The following ALK variants were observed in gnomAD, a reference collection of about 807,000 sequenced individuals.
ALK encodes the protein ALK tyrosine kinase receptor.
Under a neutral mutation model 163.1 loss-of-function variants are expected in ALK, and 74 were observed. The ratio of observed to expected loss-of-function variants is 0.45; its 90% confidence interval spans 0.38 to 0.55. The LOEUF (loss-of-function observed/expected upper bound fraction) is 0.55. Among genes scored for constraint, ALK ranks in the 20% least tolerant of loss-of-function variants. ALK has a pLI of 0.00. For missense variants in ALK, 2,063 were observed against 2,105.3 expected, an observed-to-expected ratio of 0.98 and a Z score of 0.39; for synonymous variants, 960 against 843.2, an observed-to-expected ratio of 1.14 and a Z score of -2.40.
intron 1 of ALK, among the ~76,000 whole-genome samples, chr2:29,882,364 C>T (rs557081356): frequency 3.9e-5 from 6 of 152,150 alleles, no homozygotes; most frequent in Non-Finnish European, 8.8e-5. Flanking sequence ...TAAACCATTA[C>T]AGTGAGTTAA....
At chr2:29,771,656 T>TC (rs1306320863) in intron 1 of ALK, among the ~76,000 whole-genome samples, 1 of 152,114 alleles carries the variant, frequency 6.6e-6, no homozygotes, top group Non-Finnish European at 1.5e-5. Flanking sequence ...TGCCTCAGCC[T>TC]CCCGAGTAGC....
At chr2:29,379,659 T>C (rs1668846820) in intron 5 of ALK, among the ~76,000 whole-genome samples, 1 of 152,080 alleles carries the variant, frequency 6.6e-6, no homozygotes, top group Admixed American at 6.5e-5. Context: ...TTTTCTGATG[T>C]GGGAGGCAAT....
At chr2:29,559,121 G>A (rs1046260497) in intron 3 of ALK, among the ~76,000 whole-genome samples, 2 of 152,186 alleles carry the variant, frequency 1.3e-5, no homozygotes, top group African/African-American at 4.8e-5. Context: ...AGGGCAAAAA[G>A]TGTTTCTGGA....
chr2:29,324,831 C>A (rs548505868), intron 6 of ALK, among the ~76,000 whole-genome samples: 2 of 152,120 alleles, frequency 1.3e-5, no homozygotes, highest in Admixed American at 6.5e-5. Flanking sequence ...GAGAGGGGAC[C>A]GAGAGTACTG....
At chr2:29,566,675 T>C (rs908881610) in intron 3 of ALK, among the ~76,000 whole-genome samples, 1 of 152,158 alleles carries the variant, frequency 6.6e-6, no homozygotes, top group Admixed American at 6.5e-5. Flanking sequence ...TGGAAGTGAA[T>C]AAAAATGTAT....
chr2:29,858,191 C>G (rs1378412582), intron 1 of ALK, among the ~76,000 whole-genome samples: 2 of 152,166 alleles, frequency 1.3e-5, no homozygotes, highest in Non-Finnish European at 2.9e-5. Flanking sequence ...CCTGTTGCCC[C>G]TGTATAACCA....
intron 3 of ALK, among the ~76,000 whole-genome samples, chr2:29,549,504 G>A (rs978618351): frequency 2.6e-5 from 4 of 152,124 alleles, no homozygotes; most frequent in African/African-American, 9.7e-5. Flanking sequence ...AGCCACATGT[G>A]GTTTTTGAGT....
At chr2:29,606,304 G>C (rs1192811080) in intron 3 of ALK, among the ~76,000 whole-genome samples, 1 of 152,188 alleles carries the variant, frequency 6.6e-6, no homozygotes, top group Non-Finnish European at 1.5e-5. Flanking sequence ...TTTTCAGTTT[G>C]GACCCAAACA....
At chr2:29,214,208 G>GC (rs926723602) in intron 23 of ALK, 127 bp from the exon 24 acceptor site, 2 of 776,456 alleles carry the variant, frequency 2.6e-6, no homozygotes, top group Non-Finnish European at 4.4e-6. Context: ...AGGGGCCTCG[G>GC]CCCTGGCTGC....
chr2:29,410,857 A>G (rs1486637120), intron 4 of ALK, among the ~76,000 whole-genome samples: 1 of 152,212 alleles, frequency 6.6e-6, no homozygotes, highest in Non-Finnish European at 1.5e-5. Context: ...GACTTTAGCA[A>G]CACTGGACAC....
intron 1 of ALK, among the ~76,000 whole-genome samples, chr2:29,720,439 A>T (rs548083667): frequency 1.9e-4 from 29 of 152,314 alleles, no homozygotes; most frequent in African/African-American, 7.0e-4. Flanking sequence ...AATTTCTTCC[A>T]GCCAGTGGGC....
At chr2:29,725,453 C>A (rs974904990) in intron 1 of ALK, among the ~76,000 whole-genome samples, 10 of 152,308 alleles carry the variant, frequency 6.6e-5, no homozygotes, top group Admixed American at 2.0e-4. Context: ...GACACCAAAG[C>A]AGTTGAGCTG....
intron 5 of ALK, among the ~76,000 whole-genome samples, chr2:29,339,914 A>G (rs542832226): frequency 6.6e-6 from 1 of 152,318 alleles, no homozygotes; most frequent in East Asian, 1.9e-4. Context: ...CCTGTAGGCC[A>G]CCCGCAGGAA....
intron 4 of ALK, among the ~76,000 whole-genome samples, chr2:29,459,760 C>T (rs760358689): frequency 2.0e-5 from 3 of 152,088 alleles, no homozygotes; most frequent in Non-Finnish European, 4.4e-5. Flanking sequence ...ATAAAAACAG[C>T]TGAGGTCCCC....
chr2:29,401,993 C>T (rs1055400415), intron 4 of ALK, among the ~76,000 whole-genome samples: 6 of 152,252 alleles, frequency 3.9e-5, no homozygotes, highest in Non-Finnish European at 7.4e-5. Flanking sequence ...TTCTGGGAGC[C>T]GGGGCAGCTC....
At position 29,630,766 on chromosome 2, in the gene ALK, T is replaced by C. The variant is rs150148102; in HGVS notation, c.952+64084A>G. Among the ~76,000 whole-genome samples, 31 of 152,284 alleles carry C rather than the reference T, an allele frequency of 2.0e-4. 1 individual carries two copies. In the East Asian group the frequency reaches 6.0e-3, roughly 29 times the overall value. ...ATTTTGAAATTTTGTTGTCTACGTC[T>C]TTGAGGAACTTTGGTATTTACACTG... On this transcript the variant is annotated intron_variant, in intron 3 of 28. Transcript: ENST00000389048.
At chr2:29,486,526 G>A (rs1671780307) in intron 4 of ALK, among the ~76,000 whole-genome samples, 2 of 152,182 alleles carry the variant, frequency 1.3e-5, no homozygotes, top group Admixed American at 1.3e-4. Flanking sequence ...CATAAAGTCA[G>A]CACATTTTGA....
At chr2:29,481,967 A>C (rs992322170) in intron 4 of ALK, among the ~76,000 whole-genome samples, 1 of 152,256 alleles carries the variant, frequency 6.6e-6, no homozygotes, top group Non-Finnish European at 1.5e-5. Flanking sequence ...CTTCCTTAAA[A>C]GAAAGAATAT....
intron 12 of ALK, among the ~76,000 whole-genome samples, chr2:29,243,517 A>AG (rs1023784293): frequency 1.4e-4 from 21 of 152,346 alleles, no homozygotes; most frequent in African/African-American, 4.8e-4. Context: ...CCCATGGGTG[A>AG]GCCTGTCCAC....
Sources: gnomAD v4.1 joint callset for allele counts (sites outside exome capture counted in the v4.1 genomes callset) on GRCh38, gnomAD v4.1.1 for gene constraint, MANE v1.5 for transcripts, NCBI Gene and HGNC (gene_info 2026-07-23, HGNC 2026-07-21) for gene names.